The following SLC6A16 variants were observed in gnomAD, a reference collection of about 807,000 sequenced individuals.
The protein encoded by SLC6A16 is orphan sodium- and chloride-dependent neurotransmitter transporter NTT5.
A neutral mutation model predicts 65.4 loss-of-function variants in SLC6A16; 54 were observed. The ratio of observed to expected loss-of-function variants is 0.83; its 90% CI spans 0.66 to 1.04. The LOEUF (loss-of-function observed/expected upper bound fraction) is 1.04. Among genes scored for constraint, SLC6A16 ranks in the 50% least tolerant of loss-of-function variants. The pLI, the probability that SLC6A16 is intolerant of heterozygous loss-of-function variation, is 0.00. For synonymous variants in SLC6A16, 330 were observed against 346.5 expected (o/e 0.95, Z 0.53); for missense variants, 816 against 914.0 (o/e 0.89, Z 1.38).
chr19:49,290,752 C>T lies in SLC6A16; in HGVS notation c.1794G>A (p.Leu598=). The change falls in exon 11 of 12, where the codon CTG becomes CTA. Residue 598 remains leucine, a synonymous_variant. Coordinates refer to ENST00000335875, the MANE Select transcript of SLC6A16 (RefSeq NM_014037.3). ...AGATGGGGTGGCCCAACAGGATCGT[C>T]AGGTCTGCAAGGAACCTGGAGAAGG... ...AYGARRFLAD[L]TILLGHPISP... 1 of 1,610,430 alleles carries T rather than the reference C, an allele frequency of 6.2e-7. No homozygotes were observed. Among genetic ancestry groups the T allele is most frequent in the South Asian group, 1.1e-5 (1 of 90,260 alleles).
chr19:49,337,917 C>A, the SLC6A16 span: 1 of 1,613,918 alleles, frequency 6.2e-7, no homozygotes, highest in Non-Finnish European at 8.5e-7. Context: ...TCACTGGTGG[C>A]CTCTCAGCTG....
chr19:49,315,927 C>A (rs982789022), intron 1 of SLC6A16, among the ~76,000 whole-genome samples: 1 of 152,050 alleles, frequency 6.6e-6, no homozygotes, highest in Non-Finnish European at 1.5e-5. Flanking sequence ...CACTTCCTTC[C>A]CATTGCATTA....
In SLC6A16 at chr19:49,311,068, T is replaced by C. The variant is rs1970510956; in HGVS notation, c.280A>G (p.Lys94Glu). Residue 94 changes from lysine to glutamate, a missense_variant, in exon 2 of 12, where the codon AAG becomes GAG. Physicochemically the swap from Lys to Glu is moderately conservative, Grantham distance 56. Transcript: ENST00000335875. Reference protein sequence around the residue: ...PTHEKVQMTEKKESEVLLARP... With the variant: ...PTHEKVQMTEEKESEVLLARP... Reference sequence around the variant, plus strand: ...GCAAGGAGGACCTCACTCTCTTTCTTCTCTGTCATCTGCACCTTCTCATGC... The same window carrying C: ...GCAAGGAGGACCTCACTCTCTTTCTCCTCTGTCATCTGCACCTTCTCATGC... The C allele has an allele frequency of 6.2e-7, 1 of 1,614,064 alleles. No homozygotes were observed. Among genetic ancestry groups the C allele is most frequent in the African/African-American group, 1.3e-5 (1 of 74,924 alleles).
At chr19:49,301,463 C>T (rs1369821347) in intron 7 of SLC6A16, among the ~76,000 whole-genome samples, 1 of 152,198 alleles carries the variant, frequency 6.6e-6, no homozygotes, top group African/African-American at 2.4e-5. Context: ...GTGGCCTGCT[C>T]AACACGGGTC....
At position 49,290,721 on chromosome 19, in the gene SLC6A16, T is replaced by C. The variant is rs1238739929; in HGVS notation, c.1825A>G (p.Ile609Val). 6.2e-7 allele frequency: 1 copy of C among 1,613,260 alleles called. No individual in the cohort carries two copies. ...AGATGGGGCCACAGCCAACCAAAGATGGGAGAGATGGGGTGGCCCAACAGG... is the reference window on the plus strand; with the variant it reads ...AGATGGGGCCACAGCCAACCAAAGACGGGAGAGATGGGGTGGCCCAACAGG... ...TILLGHPISP[I>V]FGWLWPHLCP... The change falls in exon 11 of 12, where the codon ATC becomes GTC. Residue 609 changes from isoleucine (I) to valine (V), a missense_variant. Transcript: ENST00000335875.
In SLC6A16 at chr19:49,294,553, C is replaced by T. The variant is rs1457952833; in HGVS notation, c.1230G>A (p.Arg410=). 2 of 1,600,912 alleles carry T rather than the reference C, an allele frequency of 1.2e-6. No homozygotes were observed. The highest frequency in any genetic ancestry group is 3.4e-5 in the Admixed American group (2 of 58,208). ...TCAGCTTTAAAAGTATTTCAGCATT[C>T]CTGGGGATAGAGGGTTGAATCAAAT... The part of the protein sequence containing the change: ...ATVITHRCCE[R]NAEILLKLIN... The change falls in exon 8 of 12, where the codon AGG becomes AGA. Residue 410 remains arginine, a splice_region_variant and synonymous_variant. Transcript: ENST00000335875.
At chr19:49,329,806 G>A (rs536721232), upstream of SLC6A16, among the ~76,000 whole-genome samples, 10 of 151,784 alleles carry the variant, frequency 6.6e-5, no homozygotes, top group East Asian at 1.9e-3. Context: ...CTAATTTTTT[G>A]TATTTTTAGT....
the SLC6A16 span, among the ~76,000 whole-genome samples, chr19:49,330,957 A>C: frequency 1.9e-4 from 29 of 150,828 alleles, no homozygotes; most frequent in Non-Finnish European, 3.2e-4. Flanking sequence ...AAAAAAAAAA[A>C]CAGATTGCCA....
At chr19:49,316,113 T>A (rs1474277842) in intron 1 of SLC6A16, among the ~76,000 whole-genome samples, 1 of 152,194 alleles carries the variant, frequency 6.6e-6, no homozygotes, top group African/African-American at 2.4e-5. Flanking sequence ...ATGAAAATTA[T>A]TTATATGTCT....
At chr19:49,331,370 C>T in the SLC6A16 span, among the ~76,000 whole-genome samples, 4 of 152,120 alleles carry the variant, frequency 2.6e-5, no homozygotes. Context: ...TTTTTGTAGA[C>T]AGGGTCTCAC....
chr19:49,339,593 T>C, the SLC6A16 span: 5 of 1,447,184 alleles, frequency 3.5e-6, no homozygotes, highest in Non-Finnish European at 4.5e-6. This position sits in a 1 kb window ranked among gnomAD's most constrained non-coding sequence, Gnocchi z 4.5. Context: ...CAGGGAGCCC[T>C]GATTGGGTGT....
upstream of SLC6A16, among the ~76,000 whole-genome samples, chr19:49,329,899 C>T (rs545170733): frequency 6.6e-6 from 1 of 152,232 alleles, no homozygotes; most frequent in Non-Finnish European, 1.5e-5. Context: ...TCCCAAAGTG[C>T]TGGGATTACA....
chr19:49,335,527 C>T, the SLC6A16 span: 2 of 1,607,000 alleles, frequency 1.2e-6, no homozygotes, highest in East Asian at 2.2e-5. This position sits in a 1 kb window ranked among gnomAD's most constrained non-coding sequence, Gnocchi z 4.6. Flanking sequence ...GACCGCTTAC[C>T]CCACTAGGTG....
At chr19:49,321,606 T>C (rs1323234879) in intron 1 of SLC6A16, among the ~76,000 whole-genome samples, 2 of 152,092 alleles carry the variant, frequency 1.3e-5, no homozygotes, top group Non-Finnish European at 2.9e-5. Flanking sequence ...TGTGGTGGTG[T>C]GCACCTGTAG....
At chr19:49,320,049 A>C (rs1008031953) in intron 1 of SLC6A16, among the ~76,000 whole-genome samples, 1 of 152,158 alleles carries the variant, frequency 6.6e-6, no homozygotes, top group African/African-American at 2.4e-5. Context: ...CACATACTAA[A>C]ATTTATGGGA....
At position 49,289,779 on chromosome 19, in the gene SLC6A16, G is replaced by T. The variant is rs1970038884; in HGVS notation, c.*344C>A. On this transcript the variant is annotated 3_prime_UTR_variant, in exon 12 of 12. Coordinates refer to ENST00000335875, the MANE Select transcript of SLC6A16 (RefSeq NM_014037.3). The stretch of plus-strand genomic sequence containing the variant: ...ACATCCAGTCCTTGGAGTTCCAGTA[G>T]ACTGATTTATTCACCAACAGCATTG... 2.2e-5 allele frequency: 6 copies of T among 270,028 alleles called. No individual in the cohort carries two copies. The South Asian group carries it at 4.0e-4, about 18-fold the overall frequency. 16.7% of individuals were successfully genotyped at this position (270,028 alleles called of 1,614,324 possible). A position where few individuals can be genotyped will look rare whatever the true frequency, so the allele number is the denominator to read the frequency against.
chr19:49,293,364 A>C lies in SLC6A16; in HGVS notation c.1637T>G (p.Met546Arg), dbSNP rs542424956. 1.2e-6 allele frequency: 2 copies of C among 1,614,202 alleles called. No individual in the cohort carries two copies. Among genetic ancestry groups the C allele is most frequent in the African/African-American group, 2.7e-5 (2 of 75,054 alleles). Residue 546 changes from methionine (M) to arginine (R), a missense_variant, in exon 10 of 12, where the codon ATG (methionine) becomes AGG (arginine). Met to Arg is a moderately conservative substitution (Grantham distance 91, BLOSUM62 -1). Transcript: ENST00000335875. ...AGTGAAGAAGAGGCCGCACACGAAC[A>C]TGAGCAAAAAGACTCCCACTGGAGA... ...KLLIVGVFLL[M>R]FVCGLFFTRP...
rs1306706560 is a variant in SLC6A16, at chr19:49,325,190, C to G, written c.-207G>C. On this transcript the variant is annotated 5_prime_UTR_variant, in exon 1 of 12. Coordinates refer to ENST00000335875, the MANE Select transcript of SLC6A16 (RefSeq NM_014037.3). Reference sequence around the variant, plus strand: ...ATCGGTTTGGGCGACACCCCTCGATCTGCCTGGCGCGCGGCCTTTCCCGCC... The same window carrying G: ...ATCGGTTTGGGCGACACCCCTCGATGTGCCTGGCGCGCGGCCTTTCCCGCC... 1 of 985,408 alleles carries G rather than the reference C, an allele frequency of 1.0e-6. No homozygotes were observed. Among genetic ancestry groups the G allele is most frequent in the Non-Finnish European group, 1.2e-6 (1 of 829,980 alleles). 61.0% of individuals were successfully genotyped at this position (985,408 alleles called of 1,614,324 possible). A position where few individuals can be genotyped will look rare whatever the true frequency, so the allele number is the denominator to read the frequency against.
chr19:49,317,578 G>A (rs932979533), intron 1 of SLC6A16, among the ~76,000 whole-genome samples: 5 of 151,980 alleles, frequency 3.3e-5, no homozygotes, highest in Non-Finnish European at 7.4e-5. Context: ...AGGCCGAGGC[G>A]GGCGGACCAC....
Sources: allele counts gnomAD v4.1 joint callset (sites outside exome capture counted in the v4.1 genomes callset), GRCh38; gene constraint gnomAD v4.1.1; non-coding constraint Gnocchi (gnomAD v3.1); transcripts MANE v1.5; gene names NCBI Gene and HGNC (gene_info 2026-07-23, HGNC 2026-07-21).